DGKB: variants seen among roughly 807,000 people sequenced by gnomAD.
The protein encoded by DGKB is 90 kDa diacylglycerol kinase.
A neutral mutation model predicts 114.3 loss-of-function variants in DGKB; 67 were observed. That is an observed-to-expected ratio of 0.59 (90% CI 0.48 to 0.72). DGKB has a LOEUF of 0.72. Among genes scored for constraint, DGKB ranks in the 30% least tolerant of loss-of-function variants. The pLI is 0.00. For missense variants in DGKB, 907 were observed against 975.2 expected (o/e 0.93, Z 0.93); for synonymous variants, 398 against 323.1 (o/e 1.23, Z -2.49).
chr7:14,700,093 T>G (rs1349245476), intron 7 of DGKB, among the ~76,000 whole-genome samples: 2 of 152,116 alleles, frequency 1.3e-5, no homozygotes, highest in Non-Finnish European at 2.9e-5. Context: ...CTAGAAGAAA[T>G]TAAAATTTCT....
chr7:14,698,269 A>G, intron 7 of DGKB, 100 bp from the exon 8 acceptor site: 2 of 663,976 alleles, frequency 3.0e-6, no homozygotes, highest in Non-Finnish European at 5.2e-6. Flanking sequence ...TAGCTAAAAA[A>G]GTTAAATGAG....
chr7:14,809,819 T>C (rs1843198685), intron 2 of DGKB, among the ~76,000 whole-genome samples: 1 of 152,174 alleles, frequency 6.6e-6, no homozygotes, highest in Non-Finnish European at 1.5e-5. Flanking sequence ...TGTAGTCTTG[T>C]TGCTCTAAAC....
At chr7:14,801,970 T>A (rs1158079010) in intron 2 of DGKB, among the ~76,000 whole-genome samples, 1 of 148,840 alleles carries the variant, frequency 6.7e-6, no homozygotes, top group African/African-American at 2.5e-5. Context: ...ACCCCACACA[T>A]ACACACACAT....
chr7:14,505,421 C>T (rs6461105), intron 20 of DGKB, among the ~76,000 whole-genome samples: 29,088 of 151,214 alleles, frequency 0.19, 3,950 homozygotes, highest in East Asian at 0.52. Context: ...GCCACTGCAG[C>T]CCAGTCTGGG....
At chr7:14,194,556 G>C (rs1167759693) in intron 23 of DGKB, among the ~76,000 whole-genome samples, 3 of 152,000 alleles carry the variant, frequency 2.0e-5, no homozygotes, top group African/African-American at 7.2e-5. Context: ...ATTAACAAGA[G>C]TCATTTAAAA....
At chr7:14,797,113 T>C (rs548288040) in intron 2 of DGKB, among the ~76,000 whole-genome samples, 50 of 152,278 alleles carry the variant, frequency 3.3e-4, no homozygotes, top group African/African-American at 1.2e-3. Flanking sequence ...ATGTTTTTAC[T>C]TTTTACTTTT....
intron 2 of DGKB, among the ~76,000 whole-genome samples, chr7:14,766,961 G>A (rs1438767643): frequency 1.3e-5 from 2 of 151,502 alleles, no homozygotes; most frequent in African/African-American, 4.8e-5. Context: ...TTCAAGGGCT[G>A]TTTCAATTCA....
chr7:14,957,544 T>A (rs1329581543), intron 1 of DGKB, among the ~76,000 whole-genome samples: 2 of 152,020 alleles, frequency 1.3e-5, no homozygotes, highest in Admixed American at 6.6e-5. Context: ...TATATGAATA[T>A]ATTTCCTGAG....
chr7:14,654,871 A>T (rs564506875), intron 13 of DGKB, among the ~76,000 whole-genome samples: 27 of 152,074 alleles, frequency 1.8e-4, no homozygotes, highest in African/African-American at 6.0e-4. Context: ...CAGAACCAAA[A>T]ATTGACACAA....
intron 1 of DGKB, among the ~76,000 whole-genome samples, chr7:14,890,179 T>C (rs1472640690): frequency 6.6e-6 from 1 of 151,534 alleles, no homozygotes; most frequent in African/African-American, 2.4e-5. Context: ...CCAGACAAAA[T>C]GACTGAGTAT....
chr7:14,279,511 C>T (rs963878008), intron 23 of DGKB, among the ~76,000 whole-genome samples: 2 of 152,208 alleles, frequency 1.3e-5, no homozygotes, highest in African/African-American at 4.8e-5. Context: ...AGCGGTGGTT[C>T]TCCCAGTACG....
intron 23 of DGKB, among the ~76,000 whole-genome samples, chr7:14,281,865 T>A (rs1369404237): frequency 1.4e-5 from 2 of 141,778 alleles, no homozygotes; most frequent in Non-Finnish European, 3.1e-5. Flanking sequence ...CAAAGCAGTG[T>A]GTAGAGGGAA....
Position 14,176,460 on chromosome 7 carries a change from A to G in DGKB, c.2304+379T>C, listed in dbSNP as rs978348717. ...AAGCTGAGAAATAAGTTCACATATA[A>G]GCTTAGGTCTGCATTTCTTGCAAAT... On this transcript the variant is annotated intron_variant, in intron 25 of 25. Coordinates refer to ENST00000402815, the MANE Select transcript of DGKB (RefSeq NM_001350709.2). The G allele has an allele frequency of 1.9e-5, 19 of 992,122 alleles. No individual in the cohort carries two copies. In the African/African-American group the frequency reaches 2.8e-4, roughly 15 times the overall value. 61.5% of individuals were successfully genotyped at this position (992,122 alleles called of 1,614,324 possible).
At chr7:14,480,262 CT>C (rs2128909925) in intron 20 of DGKB, among the ~76,000 whole-genome samples, 1 of 152,156 alleles carries the variant, frequency 6.6e-6, no homozygotes, top group East Asian at 1.9e-4. Context: ...GCTTATTTAT[CT>C]TCAAGATACT....
intron 21 of DGKB, among the ~76,000 whole-genome samples, chr7:14,414,091 G>T (rs933676467): frequency 6.6e-6 from 1 of 152,112 alleles, no homozygotes; most frequent in African/African-American, 2.4e-5. Context: ...ATATTAAATA[G>T]ATTACAGCAA....
intron 21 of DGKB, among the ~76,000 whole-genome samples, chr7:14,423,220 T>C (rs554591039): frequency 9.9e-5 from 15 of 152,190 alleles, no homozygotes; most frequent in African/African-American, 3.6e-4. Flanking sequence ...ATCACTATTA[T>C]TAAAAATTCA....
At chr7:14,199,084 G>T in intron 23 of DGKB, among the ~76,000 whole-genome samples, 1 of 151,948 alleles carries the variant, frequency 6.6e-6, no homozygotes, top group South Asian at 2.1e-4. Context: ...CTTAGATTGT[G>T]ATTAAATATA....
chr7:14,495,619 A>G (rs1196665305), intron 20 of DGKB, among the ~76,000 whole-genome samples: 1 of 151,760 alleles, frequency 6.6e-6, no homozygotes, highest in African/African-American at 2.4e-5. Context: ...TATGAGTTTT[A>G]TTTCACATAT....
At chr7:14,218,564 T>C (rs912645601) in intron 23 of DGKB, among the ~76,000 whole-genome samples, 2 of 152,030 alleles carry the variant, frequency 1.3e-5, no homozygotes, top group African/African-American at 2.4e-5. Context: ...TGGAAATGAA[T>C]ACCTGATCTG....
Sources: allele counts gnomAD v4.1 joint callset (sites outside exome capture counted in the v4.1 genomes callset), GRCh38; gene constraint gnomAD v4.1.1; transcripts MANE v1.5; gene names NCBI Gene and HGNC (gene_info 2026-07-23, HGNC 2026-07-21).